TARBP1: variants seen among roughly 807,000 people sequenced by gnomAD.
TARBP1 encodes the protein tRNA (guanosine(18)-2'-O)-methyltransferase TARBP1.
A neutral mutation model predicts 178.6 loss-of-function variants in TARBP1; 144 were observed. That is an observed-to-expected ratio of 0.81 (90% CI 0.70 to 0.93). The LOEUF is 0.93. Ranked by LOEUF, TARBP1 falls within the 40% of genes least tolerant of loss-of-function variation. The pLI is 0.00. For missense variants in TARBP1, 2,067 were observed against 2,011.7 expected (o/e 1.03, Z -0.53); for synonymous variants, 787 against 781.0 (o/e 1.01, Z -0.13).
At chr1:234,442,653 C>CTA (rs985505140) in intron 12 of TARBP1, among the ~76,000 whole-genome samples, 2 of 152,054 alleles carry the variant, frequency 1.3e-5, no homozygotes, top group Non-Finnish European at 2.9e-5. Flanking sequence ...TTTCTTTCTC[C>CTA]TATATATATA....
At chr1:234,447,796 C>CA (rs1666341135) in intron 11 of TARBP1, among the ~76,000 whole-genome samples, 3 of 135,456 alleles carry the variant, frequency 2.2e-5, no homozygotes, top group African/African-American at 8.2e-5. Context: ...TCTTTATTAC[C>CA]GTTTTTTTAA....
intron 14 of TARBP1, among the ~76,000 whole-genome samples, chr1:234,430,552 T>C (rs1292370098): frequency 6.6e-6 from 1 of 152,188 alleles, no homozygotes; most frequent in Non-Finnish European, 1.5e-5. Context: ...AATGGGATCT[T>C]TTCATCTGGT....
At chr1:234,446,026 C>T (rs1203077072) in intron 12 of TARBP1, among the ~76,000 whole-genome samples, 3 of 149,094 alleles carry the variant, frequency 2.0e-5, no homozygotes, top group African/African-American at 7.4e-5. Context: ...GCATTTGGTT[C>T]TGCTACTATC....
chr1:234,429,935 C>CA lies in TARBP1; in HGVS notation c.2609+151dup, dbSNP rs1291107201. The CA allele has an allele frequency of 8.6e-5, 76 of 882,098 alleles. 6 individuals are homozygous for CA. The African/African-American group carries it at 1.1e-3, about 13-fold the overall frequency. The allele number at this position is 882,098 out of a possible 1,614,324, so 54.6% of individuals were successfully genotyped here. On this transcript the variant is annotated intron_variant, in intron 15 of 29. Transcript: ENST00000040877. The stretch of plus-strand genomic sequence containing the variant: ...AGATGCAGAAAAGTCAGCAAGTCTC[C>CA]AGTAACAGAGATGAATAATGTTATA...
At chr1:234,409,260 C>T (rs142176386) in intron 23 of TARBP1, among the ~76,000 whole-genome samples, 3 of 151,888 alleles carry the variant, frequency 2.0e-5, no homozygotes, top group South Asian at 2.1e-4. Flanking sequence ...ATGTAATAAA[C>T]GGCAAGTACA....
intron 12 of TARBP1, 26 bp downstream of exon 12, chr1:234,446,777 T>C: frequency 6.2e-7 from 1 of 1,609,298 alleles, no homozygotes; most frequent in South Asian, 1.1e-5. Context: ...TCAAGCAAGA[T>C]ACCAAGAGAA....
intron 12 of TARBP1, 141 bp downstream of exon 12, chr1:234,446,662 T>C (rs1488506366): frequency 3.1e-6 from 1 of 321,044 alleles, no homozygotes; most frequent in Non-Finnish European, 4.8e-6. Flanking sequence ...TATATAATTA[T>C]ATAATTTCTT....
chr1:234,394,999 G>C (rs1051395015), intron 26 of TARBP1, among the ~76,000 whole-genome samples: 2 of 151,862 alleles, frequency 1.3e-5, no homozygotes, highest in African/African-American at 4.8e-5. Context: ...CAAGGCGGGA[G>C]GATCACCTGA....
rs998317773 is a variant in TARBP1 at position 234,391,340 on chromosome 1, T to C, written c.*237A>G. The C allele has an allele frequency of 2.6e-6, 1 of 380,722 alleles. No individual in the cohort carries two copies. The highest frequency in any genetic ancestry group is 4.3e-5 in the Admixed American group (1 of 23,408). The allele number at this position is 380,722 out of a possible 1,614,324, so 23.6% of individuals were successfully genotyped here. ...CTCTCTTAAAAAATCCATTGTTTTATTTCCACAATTGCTTAAAATATTTTA... is the reference window on the plus strand; with the variant it reads ...CTCTCTTAAAAAATCCATTGTTTTACTTCCACAATTGCTTAAAATATTTTA... On this transcript the variant is annotated 3_prime_UTR_variant, in exon 30 of 30. Transcript: ENST00000040877.
intron 22 of TARBP1, among the ~76,000 whole-genome samples, chr1:234,412,221 A>T (rs550747337): frequency 2.6e-5 from 4 of 152,318 alleles, no homozygotes; most frequent in Non-Finnish European, 5.9e-5. Flanking sequence ...CAGGAGTTCG[A>T]TATCAGCCTG....
Position 234,410,571 on chromosome 1 carries a change from T to A in TARBP1, c.3706-40A>T, listed in dbSNP as rs569971289. On this transcript the variant is annotated intron_variant, in intron 22 of 29. Transcript: ENST00000040877. ...AGATAAACAAATATTGATTCAAAGC[T>A]TACTGTGAAACATGCACGTGAAAGC... is the stretch of plus-strand genomic sequence containing the variant. The A allele has an allele frequency of 5.4e-6, 7 of 1,303,988 alleles. No homozygotes were observed. The East Asian group carries it at 1.7e-4, about 31-fold the overall frequency. The allele number at this position is 1,303,988 out of a possible 1,614,324, so 80.8% of individuals were successfully genotyped here.
chr1:234,404,505 T>A (rs1661014367), intron 24 of TARBP1, among the ~76,000 whole-genome samples: 1 of 152,186 alleles, frequency 6.6e-6, no homozygotes, highest in Non-Finnish European at 1.5e-5. Context: ...CACCAAATAA[T>A]AGGAAATACA....
chr1:234,410,991 G>A (rs1223915390), intron 22 of TARBP1, among the ~76,000 whole-genome samples: 3 of 152,134 alleles, frequency 2.0e-5, no homozygotes, highest in African/African-American at 7.2e-5. Context: ...AGAATTGCCT[G>A]AACCCAGGGC....
chr1:234,460,523 G>A, intron 6 of TARBP1, 127 bp from the exon 7 acceptor site: 5 of 942,394 alleles, frequency 5.3e-6, no homozygotes, highest in Non-Finnish European at 4.7e-6. Flanking sequence ...ACACTATGAT[G>A]GCTATAATCT....
chr1:234,467,440 A>G (rs1386270292), intron 4 of TARBP1, 62 bp downstream of exon 4: 2 of 1,391,620 alleles, frequency 1.4e-6, no homozygotes, highest in Admixed American at 5.6e-5. Context: ...ACAGAATCCT[A>G]GTGTATTTTT....
Position 234,425,774 on chromosome 1 carries a change from A to T in TARBP1, c.3343T>A (p.Tyr1115Asn). The T allele has an allele frequency of 6.3e-7, 1 of 1,591,664 alleles. No individual in the cohort carries two copies. The highest frequency in any genetic ancestry group is 1.1e-5 in the South Asian group (1 of 89,832). Residue 1115 changes from tyrosine to asparagine, a missense_variant, in exon 20 of 30, where the codon TAT becomes AAT. Transcript: ENST00000040877. ...AATTTGACAGCACAAATTCTCACATAATGGTCTTCTCTCTTAGTACTAAAA... is the reference window on the plus strand; with the variant it reads ...AATTTGACAGCACAAATTCTCACATTATGGTCTTCTCTCTTAGTACTAAAA... The part of the protein sequence containing the change: ...VMENTKREDH[Y>N]VRICAVKFLC...
chr1:234,477,030 A>T (rs565004779), intron 1 of TARBP1, among the ~76,000 whole-genome samples: 1 of 152,356 alleles, frequency 6.6e-6, no homozygotes, highest in African/African-American at 2.4e-5. Context: ...TATTAAAAAT[A>T]CAAAATTAGT....
intron 17 of TARBP1, among the ~76,000 whole-genome samples, chr1:234,428,369 G>T (rs1301902802): frequency 1.3e-5 from 2 of 152,094 alleles, no homozygotes; most frequent in African/African-American, 4.8e-5. Flanking sequence ...CAGCCAAAGT[G>T]CAATGACAAA....
chr1:234,432,967 T>G (rs1664620684), intron 14 of TARBP1, among the ~76,000 whole-genome samples: 1 of 152,214 alleles, frequency 6.6e-6, no homozygotes, highest in Non-Finnish European at 1.5e-5. Flanking sequence ...TAATATTATA[T>G]TAAGAGTATC....
Sources: allele counts gnomAD v4.1 joint callset (sites outside exome capture counted in the v4.1 genomes callset), GRCh38; gene constraint gnomAD v4.1.1; transcripts MANE v1.5; gene names NCBI Gene and HGNC (gene_info 2026-07-23, HGNC 2026-07-21).